ERC1: variants seen among roughly 807,000 people sequenced by gnomAD.
ERC1 encodes RAB6 interacting protein 2.
A neutral mutation model predicts 132.0 loss-of-function variants in ERC1; 56 were observed. The ratio of observed to expected loss-of-function variants is 0.42; its 90% confidence interval spans 0.34 to 0.53. ERC1 has a LOEUF of 0.53. ERC1 is among the 20% of genes least tolerant of loss of function. The probability of loss-of-function intolerance (pLI) is 0.03; values close to 1 mark genes in which losing one functional copy is unlikely to be tolerated. For synonymous variants in ERC1, 478 were observed against 476.1 expected, an observed-to-expected ratio of 1.00 and a Z score of -0.05; for missense variants, 1,202 against 1,349.9, an observed-to-expected ratio of 0.89 and a Z score of 1.72.
intron 3 of ERC1, among the ~76,000 whole-genome samples, chr12:1,104,542 A>T (rs570902826): frequency 6.6e-6 from 1 of 152,148 alleles, no homozygotes; most frequent in Non-Finnish European, 1.5e-5. Context: ...GTGTTCAGAG[A>T]TAGGGATCCT....
At chr12:1,226,819 G>C (rs934032648) in intron 12 of ERC1, among the ~76,000 whole-genome samples, 1 of 152,162 alleles carries the variant, frequency 6.6e-6, no homozygotes, top group South Asian at 2.1e-4. Flanking sequence ...TGGGATTACA[G>C]GTGTGTACCA....
In ERC1 at chr12:1,047,499, T is replaced by C. The variant is rs115056362; in HGVS notation, c.669+18927T>C. On this transcript the variant is annotated intron_variant, in intron 2 of 18. Transcript: ENST00000360905. ...CAAGGGGAAATCACTATTTTCGTTT[T>C]AGAGATGGCTTTGGGTGGAGGAGGT... is the stretch of plus-strand genomic sequence containing the variant. Among the ~76,000 whole-genome samples, 867 of 152,320 alleles carry C rather than the reference T, an allele frequency of 5.7e-3. 6 individuals carry two copies. Among genetic ancestry groups the C allele is most frequent in the African/African-American group, 0.02 (831 of 41,564 alleles).
At chr12:999,399 C>G (rs943644774) in intron 1 of ERC1, among the ~76,000 whole-genome samples, 1 of 152,096 alleles carries the variant, frequency 6.6e-6, no homozygotes. Flanking sequence ...CCTACACTTC[C>G]TCTGGTGTTT....
At chr12:1,484,141 T>TAA (rs1478692659) in intron 18 of ERC1, among the ~76,000 whole-genome samples, 1 of 151,684 alleles carries the variant, frequency 6.6e-6, no homozygotes, top group Non-Finnish European at 1.5e-5. Flanking sequence ...CCATCTCTAC[T>TAA]AAAAATACAA....
chr12:1,429,466 G>A (rs1456381227), intron 17 of ERC1, among the ~76,000 whole-genome samples: 1 of 152,120 alleles, frequency 6.6e-6, no homozygotes, highest in African/African-American at 2.4e-5. Context: ...GAATCCTCAA[G>A]TTCATGTAGA....
rs377032908 is a variant in ERC1, at chr12:1,027,961, C to T, written c.58C>T (p.Arg20Cys). 10 of 1,613,832 alleles carry T rather than the reference C, an allele frequency of 6.2e-6. No individual in the cohort carries two copies. The highest frequency in any genetic ancestry group is 4.0e-5 in the African/African-American group (3 of 74,908). Residue 20 changes from arginine (R) to cysteine (C), a missense_variant, in exon 2 of 19, where the codon CGT becomes TGT. Arg to Cys is a radical substitution (Grantham distance 180). Coordinates refer to ENST00000360905, the MANE Select transcript of ERC1 (RefSeq NM_178040.4). ...GGAGCCGAGCAGCCAGAGCCCTGGGCGTTCACCCAGGCTTCCACGTTCCCC... is the reference window on the plus strand; with the variant it reads ...GGAGCCGAGCAGCCAGAGCCCTGGGTGTTCACCCAGGCTTCCACGTTCCCC... ...KVEPSSQSPG[R>C]SPRLPRSPRL...
intron 17 of ERC1, among the ~76,000 whole-genome samples, chr12:1,438,708 G>A (rs903779735): frequency 1.3e-5 from 2 of 152,156 alleles, no homozygotes; most frequent in African/African-American, 2.4e-5. Flanking sequence ...TTGGGAAGCT[G>A]AGACAGGAGG....
chr12:1,296,442 T>A (rs187132894), intron 15 of ERC1, among the ~76,000 whole-genome samples: 76 of 124,352 alleles, frequency 6.1e-4, no homozygotes, highest in African/African-American at 2.2e-3. Flanking sequence ...AGATGGAGTG[T>A]CGCTCTTGTC....
chr12:1,051,627 G>A (rs7305368), intron 2 of ERC1, among the ~76,000 whole-genome samples: 3,630 of 152,058 alleles, frequency 0.024, 134 homozygotes, highest in African/African-American at 0.082. Context: ...GCTAAGGTGG[G>A]AGGATTGCTG....
intron 7 of ERC1, 28 bp from the exon 8 acceptor site, chr12:1,141,592 A>G (rs777564161): frequency 2.6e-6 from 4 of 1,563,602 alleles, no homozygotes; most frequent in Non-Finnish European, 8.7e-7. Context: ...TTTTTAATTC[A>G]TCACTTGTAA....
chr12:1,290,115 T>A (rs2079336598), intron 15 of ERC1, 103 bp downstream of exon 15: 5 of 953,084 alleles, frequency 5.2e-6, no homozygotes, highest in Non-Finnish European at 6.4e-6. Flanking sequence ...TACACTTACT[T>A]AATTTTAGTG....
At chr12:1,005,261 C>G (rs968464459) in intron 1 of ERC1, among the ~76,000 whole-genome samples, 1 of 152,196 alleles carries the variant, frequency 6.6e-6, no homozygotes, top group Admixed American at 6.6e-5. Flanking sequence ...AAGCGATCCT[C>G]TTGCATCAGC....
intron 8 of ERC1, among the ~76,000 whole-genome samples, chr12:1,163,809 G>A (rs943942543): frequency 2.6e-5 from 4 of 152,146 alleles, no homozygotes; most frequent in Non-Finnish European, 4.4e-5. Flanking sequence ...TCTACCTCCT[G>A]GGTTCAAGCA....
At position 1,490,532 on chromosome 12, in the gene ERC1, C is replaced by T. The variant is rs11837825; in HGVS notation, c.*302C>T. On this transcript the variant is annotated 3_prime_UTR_variant, in exon 19 of 19. Coordinates refer to ENST00000360905, the MANE Select transcript of ERC1 (RefSeq NM_178040.4). ...GAACTGTGGGAGCTGGTGGCTCTGC[C>T]CTGACAGAGAGCCATGGAGCAGAGG... The T allele has an allele frequency of 7.2e-3, 2,589 of 357,418 alleles. 44 individuals are homozygous for T. The highest frequency in any genetic ancestry group is 0.043 in the African/African-American group (2,167 of 50,670). 22.1% of individuals were successfully genotyped at this position (357,418 alleles called of 1,614,324 possible). A position where few individuals can be genotyped will look rare whatever the true frequency, so the allele number is the denominator to read the frequency against.
chr12:1,121,294 A>G (rs886106601), intron 7 of ERC1, among the ~76,000 whole-genome samples: 1 of 152,222 alleles, frequency 6.6e-6, no homozygotes, highest in African/African-American at 2.4e-5. Context: ...CTGAAGGCCT[A>G]TACAACTACT....
chr12:1,451,516 T>C (rs1379064821), intron 18 of ERC1, among the ~76,000 whole-genome samples: 1 of 152,158 alleles, frequency 6.6e-6, no homozygotes, highest in Non-Finnish European at 1.5e-5. Context: ...TCCCACCTAC[T>C]CGGGAGGCCC....
chr12:1,082,478 A>AG (rs1942358384), intron 2 of ERC1, among the ~76,000 whole-genome samples: 1 of 108,018 alleles, frequency 9.3e-6, no homozygotes, highest in Non-Finnish European at 1.9e-5. Context: ...TTGATGAAAA[A>AG]AAAAAATTTT....
chr12:1,370,404 A>G (rs1591584145), intron 15 of ERC1, among the ~76,000 whole-genome samples: 1 of 152,228 alleles, frequency 6.6e-6, no homozygotes. Flanking sequence ...CATTCATGAG[A>G]TGAAAAGAAT....
At chr12:1,012,306 T>A (rs1274825641) in intron 1 of ERC1, among the ~76,000 whole-genome samples, 3 of 152,162 alleles carry the variant, frequency 2.0e-5, no homozygotes, top group Non-Finnish European at 4.4e-5. Flanking sequence ...CTTTTAAACT[T>A]ATGATATGCT....
Sources: gnomAD v4.1 joint callset for allele counts (sites outside exome capture counted in the v4.1 genomes callset) on GRCh38, gnomAD v4.1.1 for gene constraint, MANE v1.5 for transcripts, NCBI Gene and HGNC (gene_info 2026-07-23, HGNC 2026-07-21) for gene names.